Variants in DOCK10 observed in about 807,000 individuals in gnomAD.
DOCK10 encodes dedicator of cytokinesis 10, also known as dedicator of cytokinesis protein 10.
A neutral mutation model predicts 280.1 loss-of-function variants in DOCK10; 145 were observed. The observed-to-expected ratio is 0.52, with a 90% CI of 0.45 to 0.59. The LOEUF (loss-of-function observed/expected upper bound fraction) is 0.59. DOCK10 is among the 20% of genes least tolerant of loss of function. The pLI, the probability that DOCK10 is intolerant of heterozygous loss-of-function variation, is 0.00. For synonymous variants in DOCK10, 915 were observed against 942.2 expected (o/e 0.97, Z 0.53); for missense variants, 2,368 against 2,651.7 (o/e 0.89, Z 2.35).
chr2:224,855,235 T>C (rs767476718), intron 15 of DOCK10, among the ~76,000 whole-genome samples, 193 bp from the exon 16 acceptor site: 3 of 152,236 alleles, frequency 2.0e-5, no homozygotes, highest in East Asian at 1.9e-4. Flanking sequence ...CTAAAATACA[T>C]GTGATATTGC....
intron 50 of DOCK10, among the ~76,000 whole-genome samples, chr2:224,780,727 C>A (rs902420013): frequency 6.6e-6 from 1 of 151,896 alleles, no homozygotes; most frequent in Non-Finnish European, 1.5e-5. Flanking sequence ...ACAGTGAAAC[C>A]CCGTCTCTCT....
chr2:224,805,519 T>C lies in DOCK10; in HGVS notation c.3825A>G (p.Ser1275=), dbSNP rs751084652. 6.2e-7 allele frequency: 1 copy of C among 1,612,220 alleles called. No individual in the cohort carries two copies. The highest frequency in any genetic ancestry group is 1.7e-5 in the Admixed American group (1 of 59,818). Residue 1275 remains serine, a synonymous_variant, in exon 35 of 56, where the codon TCA becomes TCG. Transcript: ENST00000258390. This position sits in a 1 kb window ranked among gnomAD's most constrained non-coding sequence, Gnocchi z 4.3. The part of the protein sequence containing the change: ...DVLNSIAAFS[S]IAISTVNHAD... The stretch of plus-strand genomic sequence containing the variant: ...CATGGTTTACTGTAGAAATAGCTAT[T>C]GATGAAAATGCTGTAAACACAAGCC...
In DOCK10 at chr2:224,989,560, A is replaced by T. The variant is rs79283049; in HGVS notation, c.123+52692T>A. Among the ~76,000 whole-genome samples, 186 of 152,270 alleles carry T rather than the reference A, an allele frequency of 1.2e-3. 2 individuals carry two copies. In the East Asian group the frequency reaches 0.012, roughly 10 times the overall value. On this transcript the variant is annotated intron_variant, in intron 1 of 55. Coordinates refer to ENST00000258390, the MANE Select transcript of DOCK10 (RefSeq NM_014689.3). ...GAGAACACCTTAGATTGAAAGTGGCAGGGGATTTTGCCCCCAGTCAGTAAA... is the reference window on the plus strand; with the variant it reads ...GAGAACACCTTAGATTGAAAGTGGCTGGGGATTTTGCCCCCAGTCAGTAAA...
chr2:224,885,574 G>A, intron 7 of DOCK10, 97 bp downstream of exon 7: 5 of 1,201,564 alleles, frequency 4.2e-6, no homozygotes, highest in Non-Finnish European at 5.5e-6. Context: ...AGAATCTAGA[G>A]CAGCTCTTGG....
chr2:224,886,083 T>G lies in DOCK10; in HGVS notation c.592A>C (p.Asn198His). Reference protein sequence around the residue: ...LYKGNFNSTVNNTVTVRSFKK... With the variant: ...LYKGNFNSTVHNTVTVRSFKK... ...CTTACCCGAACAGTAACGGTGTTGT[T>G]CACGGTGCTGTTAAAATTCCCCTTG... Residue 198 changes from asparagine (N) to histidine (H), a missense_variant, in exon 6 of 56, where the codon AAC becomes CAC. By Grantham distance (68) the Asn-to-His change is moderately conservative. This residue lies in a region of DOCK10 where 1,209 missense variants were observed against 1,250.9 expected (regional missense o/e 0.97). Coordinates refer to ENST00000258390, the MANE Select transcript of DOCK10 (RefSeq NM_014689.3). 6.2e-7 allele frequency: 1 copy of G among 1,613,906 alleles called. No individual in the cohort carries two copies. Among genetic ancestry groups the G allele is most frequent in the South Asian group, 1.1e-5 (1 of 91,082 alleles).
chr2:224,966,298 A>T (rs1465930721), intron 1 of DOCK10, among the ~76,000 whole-genome samples: 1 of 68,198 alleles, frequency 1.5e-5, no homozygotes, highest in Non-Finnish European at 2.7e-5. Flanking sequence ...CCCACCCCCC[A>T]CCCCCCGTGG....
intron 1 of DOCK10, among the ~76,000 whole-genome samples, chr2:224,996,395 A>G (rs1051675162): frequency 1.3e-5 from 2 of 152,246 alleles, no homozygotes; most frequent in Non-Finnish European, 2.9e-5. Context: ...TGGCTCAGCC[A>G]TTTATCAGCT....
At chr2:224,769,182 C>G (rs527476035) in intron 55 of DOCK10, among the ~76,000 whole-genome samples, 2 of 152,312 alleles carry the variant, frequency 1.3e-5, no homozygotes, top group South Asian at 4.1e-4. Context: ...CACGAGGAAT[C>G]CTATCTACGG....
chr2:224,865,397 G>A (rs1302088700), intron 11 of DOCK10, among the ~76,000 whole-genome samples: 2 of 152,132 alleles, frequency 1.3e-5, no homozygotes, highest in Non-Finnish European at 2.9e-5. Context: ...AAGTCTCCAA[G>A]GCCCTTGAAA....
intron 50 of DOCK10, among the ~76,000 whole-genome samples, chr2:224,781,340 A>G (rs1691321469): frequency 6.6e-6 from 1 of 152,184 alleles, no homozygotes; most frequent in Non-Finnish European, 1.5e-5. Context: ...TTGTAAAATG[A>G]ATAAGAAGGA....
chr2:224,959,863 G>A (rs1304101210), intron 1 of DOCK10, among the ~76,000 whole-genome samples: 2 of 152,164 alleles, frequency 1.3e-5, no homozygotes, highest in Non-Finnish European at 2.9e-5. Context: ...GACTTCAGTA[G>A]TCATTGCCAA....
At chr2:224,793,608 CA>C (rs1054010339) in intron 45 of DOCK10, among the ~76,000 whole-genome samples, 151 bp from the exon 46 acceptor site, 12 of 151,996 alleles carry the variant, frequency 7.9e-5, no homozygotes, top group African/African-American at 2.4e-4. Context: ...ATTGTATTTC[CA>C]AAAAAATTCA....
At chr2:224,826,767 CTATCT>C (rs1263521203) in intron 27 of DOCK10, among the ~76,000 whole-genome samples, 6 of 151,530 alleles carry the variant, frequency 4.0e-5, no homozygotes, top group Non-Finnish European at 8.8e-5. Context: ...ATCTATCTAT[CTATCT>C]ATCTATCTAT....
intron 4 of DOCK10, among the ~76,000 whole-genome samples, chr2:224,889,493 C>T (rs78300308): frequency 2.6e-4 from 39 of 152,278 alleles, no homozygotes; most frequent in African/African-American, 9.1e-4. Context: ...GTATTAGAAG[C>T]CTGCATTTAG....
chr2:224,801,817 G>T, intron 40 of DOCK10, 99 bp downstream of exon 40: 1 of 1,288,340 alleles, frequency 7.8e-7, no homozygotes, highest in South Asian at 1.4e-5. Flanking sequence ...CAGAGGTACA[G>T]CAAACCTTAA....
intron 3 of DOCK10, among the ~76,000 whole-genome samples, chr2:224,912,476 C>T (rs1008784277): frequency 3.3e-5 from 5 of 151,930 alleles, no homozygotes; most frequent in African/African-American, 1.2e-4. Flanking sequence ...TAATTTTTTC[C>T]AAAATAGCTT....
chr2:224,927,355 A>G (rs1328418184), intron 2 of DOCK10, among the ~76,000 whole-genome samples: 2 of 152,190 alleles, frequency 1.3e-5, no homozygotes, highest in Non-Finnish European at 2.9e-5. Flanking sequence ...AGTTTTAACC[A>G]GAGGCATGGC....
At chr2:224,974,691 C>A (rs1705298909) in intron 1 of DOCK10, among the ~76,000 whole-genome samples, 1 of 148,538 alleles carries the variant, frequency 6.7e-6, no homozygotes, top group Admixed American at 6.8e-5. Context: ...TTTTTCTAGC[C>A]ATAAAACTAC....
intron 2 of DOCK10, among the ~76,000 whole-genome samples, chr2:224,930,130 G>C (rs1024017269): frequency 6.6e-6 from 1 of 151,400 alleles, no homozygotes; most frequent in Non-Finnish European, 1.5e-5. Context: ...GAACCCAGGA[G>C]GTGGAGGAGG....
Sources: gnomAD v4.1 joint callset for allele counts (sites outside exome capture counted in the v4.1 genomes callset) on GRCh38, gnomAD v4.1.1 for gene constraint, gnomAD v4.1.1 regional missense constraint, Gnocchi (gnomAD v3.1) non-coding constraint, MANE v1.5 for transcripts, NCBI Gene and HGNC (gene_info 2026-07-23, HGNC 2026-07-21) for gene names.